Variants in FHL1 observed in about 807,000 individuals in gnomAD.
The protein encoded by FHL1 is four and a half LIM domains protein 1.
A neutral mutation model predicts 20.3 loss-of-function variants in FHL1; 1 was observed. The ratio of observed to expected loss-of-function variants is 0.05; its 90% confidence interval spans 0.02 to 0.23. FHL1 has a LOEUF of 0.23. FHL1 is among the 10% of genes least tolerant of loss of function. The pLI, the probability that FHL1 is intolerant of heterozygous loss-of-function variation, is 1.00. For missense variants in FHL1, 177 were observed against 234.0 expected (o/e 0.76, Z 1.59); for synonymous variants, 82 against 88.9 (o/e 0.92, Z 0.44).
intron 2 of FHL1, among the ~76,000 whole-genome samples, chrX:136,172,956 C>T (rs1039486722): frequency 7.1e-5 from 8 of 112,524 alleles, no homozygotes; most frequent in Non-Finnish European, 1.3e-4. Flanking sequence ...TGGTCTCGAA[C>T]TCCTTACCTC....
At chrX:136,147,185 C>T (rs1466086418), upstream of FHL1, among the ~76,000 whole-genome samples, 1 of 109,886 alleles carries the variant, frequency 9.1e-6, no homozygotes, top group African/African-American at 3.3e-5. Flanking sequence ...TCCCGGTCTT[C>T]GGATCCGAGC....
intron 2 of FHL1, among the ~76,000 whole-genome samples, chrX:136,179,005 C>T (rs754698802): frequency 2.7e-4 from 30 of 111,771 alleles, no homozygotes; most frequent in Non-Finnish European, 4.3e-4. Flanking sequence ...GATCCACCCG[C>T]CTTGGACTCC....
At chrX:136,153,443 G>A (rs1351624787) in intron 1 of FHL1, among the ~76,000 whole-genome samples, 5 of 111,608 alleles carry the variant, frequency 4.5e-5, no homozygotes, top group Admixed American at 3.8e-4. Context: ...CATAGATTCT[G>A]ATTATAATAA....
Position 136,206,494 on chromosome X carries a change from A to C in FHL1, c.110A>C (p.Gln37Pro). 8.2e-7 allele frequency: 1 copy of C among 1,212,447 alleles called. No homozygotes were observed. Among genetic ancestry groups the C allele is most frequent in the Non-Finnish European group, 1.1e-6 (1 of 895,634 alleles). ...CCCTTGCAGGGGAAGAAGTATGTGC[A>C]AAAGGATGGCCACCACTGCTGCCTG... ...RDPLQGKKYV[Q>P]KDGHHCCLKC... Residue 37 changes from glutamine (Q) to proline (P), a missense_variant, in exon 2 of 6, where the codon CAA becomes CCA. By Grantham distance (76) the Gln-to-Pro change is moderately conservative (BLOSUM62 -1). Coordinates refer to ENST00000370683, the MANE Select transcript of FHL1 (RefSeq NM_001159699.2).
At chrX:136,166,453 G>A (rs1158756514), upstream of FHL1, among the ~76,000 whole-genome samples, 2 of 111,599 alleles carry the variant, frequency 1.8e-5, no homozygotes, top group African/African-American at 6.5e-5. Flanking sequence ...CCAGGGTTTG[G>A]TCTGGTAACT....
upstream of FHL1, among the ~76,000 whole-genome samples, chrX:136,192,706 C>T (rs1270300259): frequency 2.7e-5 from 3 of 111,707 alleles, no homozygotes; most frequent in African/African-American, 9.8e-5. Flanking sequence ...CTTGGGGTTC[C>T]AGGGGTGCTC....
intron 5 of FHL1, chrX:136,209,050 A>G (rs999021026): frequency 4.6e-6 from 2 of 436,278 alleles, no homozygotes; most frequent in Non-Finnish European, 7.8e-6. Context: ...TAGTTCAGAG[A>G]TGCCTGTTGG....
intron 2 of FHL1, among the ~76,000 whole-genome samples, chrX:136,183,616 A>G (rs1455409399): frequency 8.9e-6 from 1 of 112,520 alleles, no homozygotes; most frequent in Non-Finnish European, 1.9e-5. Flanking sequence ...GTTTTCGTGT[A>G]TGAATACTTT....
chrX:136,177,969 T>G (rs947941441), intron 2 of FHL1, among the ~76,000 whole-genome samples: 2 of 112,335 alleles, frequency 1.8e-5, no homozygotes, highest in Non-Finnish European at 3.8e-5. Context: ...CTTGACTCAC[T>G]TGTCTTATAA....
intron 1 of FHL1, among the ~76,000 whole-genome samples, chrX:136,163,402 T>C (rs2072627311): frequency 8.9e-6 from 1 of 111,787 alleles, no homozygotes; most frequent in Non-Finnish European, 1.9e-5. Flanking sequence ...TGGAGAAAGG[T>C]TTTTGGCAAT....
At chrX:136,181,715 C>G (rs1427516517) in intron 2 of FHL1, among the ~76,000 whole-genome samples, 1 of 111,956 alleles carries the variant, frequency 8.9e-6, no homozygotes. Context: ...AAAGGTTTTG[C>G]TGATGTATAT....
At chrX:136,174,746 T>A (rs2033375729) in intron 2 of FHL1, among the ~76,000 whole-genome samples, 1 of 111,621 alleles carries the variant, frequency 9.0e-6, no homozygotes, top group South Asian at 3.7e-4. Context: ...ACTCTGATTT[T>A]AAAATTTGTT....
At chrX:136,171,310 A>G (rs1041271382) in intron 2 of FHL1, among the ~76,000 whole-genome samples, 2 of 111,507 alleles carry the variant, frequency 1.8e-5, no homozygotes, top group Non-Finnish European at 1.9e-5. Flanking sequence ...TCTAACCCCA[A>G]TAGAGAAAAC....
intron 2 of FHL1, among the ~76,000 whole-genome samples, chrX:136,172,505 T>G (rs958496820): frequency 3.6e-5 from 4 of 111,947 alleles, no homozygotes; most frequent in African/African-American, 1.3e-4. Flanking sequence ...TCCCCATCTC[T>G]ACTCTATTCT....
chrX:136,187,789 T>C (rs1034267295), intron 2 of FHL1, among the ~76,000 whole-genome samples: 1 of 111,832 alleles, frequency 8.9e-6, no homozygotes, highest in Non-Finnish European at 1.9e-5. Context: ...TAATGATTGA[T>C]ATACATTATG....
chrX:136,183,458 A>G (rs1462522782), intron 2 of FHL1, among the ~76,000 whole-genome samples: 1 of 111,786 alleles, frequency 8.9e-6, no homozygotes, highest in Non-Finnish European at 1.9e-5. Context: ...ATAATCACCC[A>G]TAATAAAACT....
upstream of FHL1, among the ~76,000 whole-genome samples, chrX:136,192,749 A>G (rs1211475106): frequency 8.9e-6 from 1 of 111,764 alleles, no homozygotes; most frequent in Non-Finnish European, 1.9e-5. Context: ...TATGCCATGA[A>G]TTGTGACATT....
chrX:136,207,474 A>G, intron 3 of FHL1: 1 of 430,279 alleles, frequency 2.3e-6, no homozygotes, highest in Non-Finnish European at 4.1e-6. Flanking sequence ...TGATGAAAGC[A>G]TGCTTCTTCC....
chrX:136,211,103 C>T lies in FHL1; in HGVS notation c.*1078C>T. 8.0e-6 allele frequency: 3 copies of T among 375,773 alleles called. No individual in the cohort carries two copies. Among genetic ancestry groups the T allele is most frequent in the Non-Finnish European group, 1.5e-5 (3 of 198,312 alleles). The allele number at this position is 375,773 out of a possible 1,213,427, so 31.0% of individuals were successfully genotyped here. The stretch of plus-strand genomic sequence containing the variant: ...TTCTGTTGTGATTCCTAGGACTTTT[C>T]CTCAAGAGGAAATCTGGATTTCCAC... On this transcript the variant is annotated 3_prime_UTR_variant, in exon 6 of 6. Transcript: ENST00000370683.
Sources: gnomAD v4.1 joint callset for allele counts (sites outside exome capture counted in the v4.1 genomes callset) on GRCh38, gnomAD v4.1.1 for gene constraint, MANE v1.5 for transcripts, NCBI Gene and HGNC (gene_info 2026-07-23, HGNC 2026-07-21) for gene names.